The following RERE variants were observed in gnomAD, a reference collection of about 807,000 sequenced individuals.
The protein encoded by RERE is arginine-glutamic acid dipeptide repeats protein.
A neutral mutation model predicts 146.1 loss-of-function variants in RERE; 40 were observed. The ratio of observed to expected loss-of-function variants is 0.27; its 90% CI spans 0.21 to 0.36. The LOEUF (loss-of-function observed/expected upper bound fraction) is 0.36, where lower values mean the gene tolerates loss of function less well. Among genes scored for constraint, RERE ranks in the 10% least tolerant of loss-of-function variants. The probability of loss-of-function intolerance (pLI) is 1.00; values close to 1 mark genes in which losing one functional copy is unlikely to be tolerated. For synonymous variants in RERE, 1,003 were observed against 866.0 expected (o/e 1.16, Z -2.78); for missense variants, 1,933 against 2,138.7 (o/e 0.90, Z 1.90).
intron 6 of RERE, among the ~76,000 whole-genome samples, chr1:8,556,192 G>A (rs924397000): frequency 2.0e-5 from 3 of 151,034 alleles, no homozygotes; most frequent in African/African-American, 4.9e-5. Flanking sequence ...AACAATACCA[G>A]GATAATAATT....
intron 1 of RERE, among the ~76,000 whole-genome samples, chr1:8,773,629 G>C (rs367998962): frequency 6.6e-6 from 1 of 152,180 alleles, no homozygotes; most frequent in Non-Finnish European, 1.5e-5. Context: ...TTCGAGACCA[G>C]CCTGACCAAC....
At chr1:8,635,263 T>TG (rs1647083584) in intron 2 of RERE, among the ~76,000 whole-genome samples, 1 of 152,210 alleles carries the variant, frequency 6.6e-6, no homozygotes, top group African/African-American at 2.4e-5. Flanking sequence ...ATACAGTGAT[T>TG]TTGCTTTCTG....
In RERE at chr1:8,355,411, C is replaced by T. The variant is rs1395352896; in HGVS notation, c.4667+8G>A. On this transcript the variant is annotated splice_region_variant and intron_variant, in intron 22 of 22. Transcript: ENST00000400908. ...ACCCCTCCACTCCCTCCCAGCACCC[C>T]ACCTCACCTGTAATAATCTTCCTGA... 2 of 1,612,004 alleles carry T rather than the reference C, an allele frequency of 1.2e-6. No homozygotes were observed. The highest frequency in any genetic ancestry group is 2.2e-5 in the East Asian group (1 of 44,872).
At chr1:8,560,040 C>T (rs74759478) in intron 4 of RERE, among the ~76,000 whole-genome samples, 1,643 of 152,140 alleles carry the variant, frequency 0.011, 26 homozygotes, top group African/African-American at 0.038. Flanking sequence ...TTTCTTCCCT[C>T]GGCAGGATAA....
intron 10 of RERE, among the ~76,000 whole-genome samples, chr1:8,477,063 C>T (rs1304413574): frequency 6.6e-6 from 1 of 152,186 alleles, no homozygotes; most frequent in Non-Finnish European, 1.5e-5. Flanking sequence ...AAGGTTGTGC[C>T]TCTTAATTTT....
chr1:8,644,021 C>T (rs1221882757), intron 2 of RERE, among the ~76,000 whole-genome samples: 1 of 152,190 alleles, frequency 6.6e-6, no homozygotes, highest in Non-Finnish European at 1.5e-5. Flanking sequence ...ATTGACCTCA[C>T]TGTTCTATTT....
chr1:8,516,836 T>C (rs1158703925), intron 7 of RERE, among the ~76,000 whole-genome samples: 1 of 152,194 alleles, frequency 6.6e-6, no homozygotes, highest in East Asian at 1.9e-4. Context: ...AAAGTCATGA[T>C]GAAAGAGAAA....
chr1:8,497,451 G>C lies in RERE; in HGVS notation c.958C>G (p.Pro320Ala), dbSNP rs1645060176. The part of the protein sequence containing the change: ...VTQHEELVWM[P>A]GVNDCDLLMY... ...AGGAGGTCACAGTCGTTAACTCCAG[G>C]CATCCAGACCAGTTCCTCATGTTGG... The change falls in exon 9 of 23, where the codon CCT (proline) becomes GCT (alanine). Residue 320 changes from proline (P) to alanine (A), a missense_variant. Physicochemically the swap from Pro to Ala is conservative, Grantham distance 27. This residue lies in a region of RERE where 260 missense variants were observed against 378.4 expected (regional missense o/e 0.69). Coordinates refer to ENST00000400908, the MANE Select transcript of RERE (RefSeq NM_001042681.2). 1 of 1,613,992 alleles carries C rather than the reference G, an allele frequency of 6.2e-7. No homozygotes were observed. Among genetic ancestry groups the C allele is most frequent in the Non-Finnish European group, 8.5e-7 (1 of 1,179,984 alleles).
chr1:8,442,101 C>T (rs933299144), intron 11 of RERE, among the ~76,000 whole-genome samples: 2 of 152,070 alleles, frequency 1.3e-5, no homozygotes, highest in African/African-American at 4.8e-5. Flanking sequence ...AAAAAATGAA[C>T]TTGTCGGGCA....
At chr1:8,780,323 G>GAA (rs1459702487) in intron 1 of RERE, among the ~76,000 whole-genome samples, 2 of 152,144 alleles carry the variant, frequency 1.3e-5, no homozygotes, top group Non-Finnish European at 2.9e-5. Flanking sequence ...AGTTACCTCA[G>GAA]AAAGCAAAGA....
At chr1:8,714,363 G>A (rs1388950473) in intron 1 of RERE, among the ~76,000 whole-genome samples, 1 of 152,164 alleles carries the variant, frequency 6.6e-6, no homozygotes, top group Non-Finnish European at 1.5e-5. Flanking sequence ...AGTGTATTCT[G>A]TATTATGCTC....
intron 12 of RERE, among the ~76,000 whole-genome samples, chr1:8,392,663 TATGAGGG>T (rs1642922871): frequency 6.6e-6 from 1 of 152,192 alleles, no homozygotes; most frequent in Non-Finnish European, 1.5e-5. Flanking sequence ...AGAGTCCATC[TATGAGGG>T]ACGTGGAGGC....
intron 1 of RERE, among the ~76,000 whole-genome samples, chr1:8,700,390 G>C (rs763806232): frequency 1.5e-4 from 23 of 151,992 alleles, no homozygotes; most frequent in Non-Finnish European, 2.5e-4. Flanking sequence ...AGACAGTAAA[G>C]AGACCAGACC....
Position 8,359,522 on chromosome 1 carries a change from G to A in RERE, c.3618+242C>T, listed in dbSNP as rs140009269. ...CAGGCCCTTTCCTCGAAGGCCCTCCGGTAGGAGGACGCACAGTCACTGCTG... is the reference window on the plus strand; with the variant it reads ...CAGGCCCTTTCCTCGAAGGCCCTCCAGTAGGAGGACGCACAGTCACTGCTG... On this transcript the variant is annotated intron_variant, in intron 19 of 22. Coordinates refer to ENST00000400908, the MANE Select transcript of RERE (RefSeq NM_001042681.2). Among the ~76,000 whole-genome samples the A allele has an allele frequency of 2.3e-3, 356 of 152,312 alleles. 3 individuals are homozygous for A. Among genetic ancestry groups the A allele is most frequent in the African/African-American group, 7.8e-3 (326 of 41,582 alleles).
intron 2 of RERE, among the ~76,000 whole-genome samples, chr1:8,640,841 C>T (rs1647167104): frequency 6.6e-6 from 1 of 152,148 alleles, no homozygotes; most frequent in South Asian, 2.1e-4. Context: ...AAAACTCAGA[C>T]TAATACTAAG....
chr1:8,438,732 C>G (rs371117903), intron 11 of RERE, among the ~76,000 whole-genome samples: 1 of 151,638 alleles, frequency 6.6e-6, no homozygotes, highest in South Asian at 2.1e-4. Flanking sequence ...TCAAATGTAG[C>G]GTTTAAAAGT....
chr1:8,557,269 G>T (rs894090630), intron 5 of RERE, 149 bp downstream of exon 5: 2 of 597,436 alleles, frequency 3.3e-6, no homozygotes, highest in Non-Finnish European at 6.0e-6. Context: ...GTGACTAACT[G>T]GTAGCCAATG....
chr1:8,568,824 CT>C (rs1431361796), intron 4 of RERE, among the ~76,000 whole-genome samples: 1 of 152,152 alleles, frequency 6.6e-6, no homozygotes, highest in East Asian at 1.9e-4. Flanking sequence ...AATAAATCCC[CT>C]CTCATCTGTC....
intron 16 of RERE, 25 bp downstream of exon 16, chr1:8,362,658 C>T: frequency 1.2e-6 from 2 of 1,614,062 alleles, no homozygotes; most frequent in Non-Finnish European, 1.7e-6. Context: ...ACAGAGTAGG[C>T]CCTACTATCC....
Sources: allele counts gnomAD v4.1 joint callset (sites outside exome capture counted in the v4.1 genomes callset), GRCh38; gene constraint gnomAD v4.1.1; regional missense constraint gnomAD v4.1.1; transcripts MANE v1.5; gene names NCBI Gene and HGNC (gene_info 2026-07-23, HGNC 2026-07-21).